Variants in PLEKHM1 observed in about 807,000 individuals in gnomAD.
The protein encoded by PLEKHM1 is pleckstrin homology domain-containing family M member 1.
A neutral mutation model predicts 94.3 loss-of-function variants in PLEKHM1; 28 were observed. That is an observed-to-expected ratio of 0.30 (90% CI 0.22 to 0.41). PLEKHM1 has a LOEUF of 0.41. Among genes scored for constraint, PLEKHM1 ranks in the 10% least tolerant of loss-of-function variants. The pLI is 1.00. For missense variants in PLEKHM1, 907 were observed against 1,358.6 expected (o/e 0.67, Z 5.22); for synonymous variants, 424 against 581.2 (o/e 0.73, Z 3.89).
chr17:45,472,135 A>G lies in PLEKHM1; in HGVS notation c.923+2965T>C, dbSNP rs538737162. ...ATTTAAAGTTACAAATATTTAAATA[A>G]TGTAACAACTTTGATGAACTCTAAA... On this transcript the variant is annotated intron_variant, in intron 4 of 11. Coordinates refer to ENST00000430334, the MANE Select transcript of PLEKHM1 (RefSeq NM_014798.3). Among the ~76,000 whole-genome samples, 9 of 152,358 alleles carry G rather than the reference A, an allele frequency of 5.9e-5. No homozygotes were observed. The South Asian group carries it at 1.7e-3, about 28-fold the overall frequency.
rs536661914 is a variant in PLEKHM1 at position 45,453,349 on chromosome 17, C to A, written c.2497+6G>T. ...GGCTGGGGGTGGCAGCAGAGCAAAT[C>A]GGCACCTGCGCAGAAGCAGCCTTGG... On this transcript the variant is annotated splice_donor_region_variant and intron_variant, in intron 7 of 11. Coordinates refer to ENST00000430334, the MANE Select transcript of PLEKHM1 (RefSeq NM_014798.3). The surrounding 1 kb of genome is among the most constrained non-coding windows in gnomAD (Gnocchi z 4.1). The A allele has an allele frequency of 4.3e-5, 70 of 1,611,328 alleles. No individual in the cohort carries two copies. The highest frequency in any genetic ancestry group is 5.5e-5 in the Non-Finnish European group (65 of 1,178,680).
chr17:45,466,979 ACCC>A (rs2051338570), intron 5 of PLEKHM1, among the ~76,000 whole-genome samples: 1 of 152,246 alleles, frequency 6.6e-6, no homozygotes. Context: ...CCTGGAAACA[ACCC>A]AAATGTCCAT....
At chr17:45,442,218 C>T (rs1462456472) in intron 9 of PLEKHM1, among the ~76,000 whole-genome samples, 1 of 152,140 alleles carries the variant, frequency 6.6e-6, no homozygotes, top group African/African-American at 2.4e-5. Flanking sequence ...GCCACTAGTG[C>T]AGGACAGCTC....
chr17:45,439,972 G>A, intron 10 of PLEKHM1, 191 bp downstream of exon 10: 1 of 649,994 alleles, frequency 1.5e-6, no homozygotes, highest in South Asian at 1.8e-5. Context: ...TTTATTCCAG[G>A]GGTGCTGGGG....
intron 4 of PLEKHM1, among the ~76,000 whole-genome samples, chr17:45,469,359 C>G (rs1482856363): frequency 6.6e-6 from 1 of 152,198 alleles, no homozygotes; most frequent in Non-Finnish European, 1.5e-5. Context: ...GCATGCACAC[C>G]ACACTCACAC....
Position 45,490,662 on chromosome 17 carries a change from G to T in PLEKHM1, c.-52C>A, listed in dbSNP as rs1184558657. On this transcript the variant is annotated 5_prime_UTR_variant, in exon 1 of 12. Coordinates refer to ENST00000430334, the MANE Select transcript of PLEKHM1 (RefSeq NM_014798.3). ...GACCCCCTAACTCACCAAGCGGAGCGAGGAGCGAGGCGAGGGGCGCTCCCG... is the reference window on the plus strand; with the variant it reads ...GACCCCCTAACTCACCAAGCGGAGCTAGGAGCGAGGCGAGGGGCGCTCCCG... The T allele has an allele frequency of 8.9e-6, 4 of 450,554 alleles. No individual in the cohort carries two copies. Among genetic ancestry groups the T allele is most frequent in the Non-Finnish European group, 1.8e-5 (4 of 224,460 alleles). The allele number at this position is 450,554 out of a possible 1,614,324, so 27.9% of individuals were successfully genotyped here. A position where few individuals can be genotyped will look rare whatever the true frequency, so the allele number is the denominator to read the frequency against.
chr17:45,465,262 A>G (rs2051284424), intron 5 of PLEKHM1, among the ~76,000 whole-genome samples: 1 of 151,864 alleles, frequency 6.6e-6, no homozygotes, highest in South Asian at 2.1e-4. Flanking sequence ...ATATACTGTA[A>G]TTGCACATAG....
chr17:45,473,515 T>G (rs2051586595), intron 4 of PLEKHM1, among the ~76,000 whole-genome samples: 1 of 152,098 alleles, frequency 6.6e-6, no homozygotes, highest in Non-Finnish European at 1.5e-5. Context: ...TATACTGCCT[T>G]TGTAGGAGAG....
chr17:45,434,633 C>T (rs1419673192), downstream of PLEKHM1, among the ~76,000 whole-genome samples: 2 of 151,934 alleles, frequency 1.3e-5, no homozygotes, highest in African/African-American at 2.4e-5. Context: ...TTTGTAGAGA[C>T]GGGGTTTCAC....
At position 45,438,073 on chromosome 17, in the gene PLEKHM1, G is replaced by T. The variant is rs2050325389; in HGVS notation, c.3060-104C>A. ...CCAGAACCCACGATACGGCTGTGAT[G>T]TACTGTGTAACCCATGCACGCACAC... On this transcript the variant is annotated intron_variant, in intron 11 of 11. Coordinates refer to ENST00000430334, the MANE Select transcript of PLEKHM1 (RefSeq NM_014798.3). 7.2e-6 allele frequency: 6 copies of T among 832,172 alleles called. No individual in the cohort carries two copies. The Admixed American group carries it at 9.6e-5, about 13-fold the overall frequency. 51.5% of individuals were successfully genotyped at this position (832,172 alleles called of 1,614,324 possible).
rs763704901 is a variant in PLEKHM1 at position 45,468,225 on chromosome 17, G to A, written c.1292C>T (p.Ser431Phe). Residue 431 changes from serine (S) to phenylalanine (F), a missense_variant, in exon 5 of 12, where the codon TCC becomes TTC. Physicochemically the swap from Ser to Phe is radical, Grantham distance 155. Around this residue, in one of 3 missense-constraint regions of PLEKHM1, gnomAD observed 477 missense variants for 601.5 expected, o/e 0.79. Coordinates refer to ENST00000430334, the MANE Select transcript of PLEKHM1 (RefSeq NM_014798.3). ...ACCACTCACCGGACTGGTGGGTGAG[G>A]AAACTACCAGCTTCAGACCAGCTCC... ...HDGAGLKLVVSSPTSPKNKSW... is the reference protein window; with the variant it reads ...HDGAGLKLVVFSPTSPKNKSW... 3.1e-6 allele frequency: 5 copies of A among 1,612,998 alleles called. 1 individual carries two copies. The highest frequency in any genetic ancestry group is 1.1e-5 in the South Asian group (1 of 91,000).
chr17:45,464,290 C>T (rs3946526), intron 5 of PLEKHM1, among the ~76,000 whole-genome samples: 18,722 of 152,186 alleles, frequency 0.12, 1,550 homozygotes, highest in Middle Eastern at 0.21. Flanking sequence ...ATCACTCTAC[C>T]CCTAGGACCT....
At chr17:45,439,754 G>A (rs1567759663) in intron 10 of PLEKHM1, 120 bp from the exon 11 acceptor site, 1 of 1,322,654 alleles carries the variant, frequency 7.6e-7, no homozygotes, top group Admixed American at 1.8e-5. Context: ...CCTGCCTGGA[G>A]AACTTCTACC....
At chr17:45,435,836 G>A (rs1226338268), downstream of PLEKHM1, 2 of 408,774 alleles carry the variant, frequency 4.9e-6, no homozygotes, top group African/African-American at 2.1e-5. Context: ...CTGACAGATG[G>A]TAACAGATGG....
chr17:45,456,065 T>C (rs1485150647), intron 6 of PLEKHM1, among the ~76,000 whole-genome samples: 1 of 152,080 alleles, frequency 6.6e-6, no homozygotes, highest in Non-Finnish European at 1.5e-5. Flanking sequence ...AACACGTACA[T>C]TGCCTCATGA....
chr17:45,489,366 C>A (rs1472164914), intron 1 of PLEKHM1, among the ~76,000 whole-genome samples: 1 of 152,194 alleles, frequency 6.6e-6, no homozygotes, highest in African/African-American at 2.4e-5. Context: ...GGAACACGAA[C>A]AATATTCTGT....
intron 8 of PLEKHM1, among the ~76,000 whole-genome samples, chr17:45,450,161 C>G (rs1046965999): frequency 9.9e-5 from 15 of 151,892 alleles, no homozygotes; most frequent in Admixed American, 3.3e-4. Flanking sequence ...ATTCACCTAC[C>G]TACCTATCCA....
rs2050831728 is a variant in PLEKHM1 at position 45,453,377 on chromosome 17, G to A, written c.2475C>T (p.Asp825=). 6.2e-7 allele frequency: 1 copy of A among 1,613,612 alleles called. No homozygotes were observed. The highest frequency in any genetic ancestry group is 1.1e-5 in the South Asian group (1 of 91,012). The change falls in exon 7 of 12, where the codon GAC becomes GAT. Residue 825 remains aspartate, a synonymous_variant. Coordinates refer to ENST00000430334, the MANE Select transcript of PLEKHM1 (RefSeq NM_014798.3). The surrounding 1 kb of genome is among the most constrained non-coding windows in gnomAD (Gnocchi z 4.1). The stretch of plus-strand genomic sequence containing the variant: ...CACCTGCGCAGAAGCAGCCTTGGGA[G>A]TCAAGGCCTTTCTCCATGGGGATAG... ...LVAIPMEKGL[D]SQGCFCAGCS... is the part of the protein sequence containing the mutation.
intron 3 of PLEKHM1, chr17:45,477,687 C>CT (rs1319868081): frequency 6.5e-6 from 4 of 619,664 alleles, no homozygotes; most frequent in Non-Finnish European, 1.2e-5. Flanking sequence ...TGCCTGAGTG[C>CT]TGAGGGTCTC....
Sources: gnomAD v4.1 joint callset for allele counts (sites outside exome capture counted in the v4.1 genomes callset) on GRCh38, gnomAD v4.1.1 for gene constraint, gnomAD v4.1.1 regional missense constraint, Gnocchi (gnomAD v3.1) non-coding constraint, MANE v1.5 for transcripts, NCBI Gene and HGNC (gene_info 2026-07-23, HGNC 2026-07-21) for gene names.